Variants in OLFM2 observed in about 807,000 individuals in gnomAD.
OLFM2 encodes the protein noelin-2.
A neutral mutation model predicts 43.9 loss-of-function variants in OLFM2; 20 were observed. The observed-to-expected ratio is 0.46, with a 90% CI of 0.32 to 0.66. The LOEUF (loss-of-function observed/expected upper bound fraction) is 0.66. OLFM2 is among the 30% of genes least tolerant of loss of function. The pLI, the probability that OLFM2 is intolerant of heterozygous loss-of-function variation, is 0.04. For synonymous variants in OLFM2, 268 were observed against 278.6 expected, an observed-to-expected ratio of 0.96 and a Z score of 0.38; for missense variants, 416 against 643.6, an observed-to-expected ratio of 0.65 and a Z score of 3.83.
At chr19:9,863,708 T>C (rs1191826366) in intron 1 of OLFM2, among the ~76,000 whole-genome samples, 1 of 151,924 alleles carries the variant, frequency 6.6e-6, no homozygotes, top group African/African-American at 2.4e-5. Flanking sequence ...CTCCAACTAT[T>C]AGCCCACCTT....
Position 9,879,996 on chromosome 19 carries a change from C to T in OLFM2, c.64-19202G>A, listed in dbSNP as rs1344627416. Among the ~76,000 whole-genome samples, 3 of 152,106 alleles carry T rather than the reference C, an allele frequency of 2.0e-5. No homozygotes were observed. The East Asian group carries it at 5.8e-4, about 29-fold the overall frequency. On this transcript the variant is annotated intron_variant, in intron 1 of 5. Transcript: ENST00000264833. Reference sequence around the variant, plus strand: ...TTCATCATGTTGGCCAGGCTGGTCTCGAACTCCTGACCTCAGGTGATCTGC... The same window carrying T: ...TTCATCATGTTGGCCAGGCTGGTCTTGAACTCCTGACCTCAGGTGATCTGC...
intron 1 of OLFM2, among the ~76,000 whole-genome samples, chr19:9,909,093 G>A (rs1397718287): frequency 6.6e-6 from 1 of 152,064 alleles, no homozygotes; most frequent in East Asian, 1.9e-4. Context: ...TCCCACCCCT[G>A]CCTTCCAAAG....
intron 1 of OLFM2, among the ~76,000 whole-genome samples, chr19:9,925,946 G>A (rs536559671): frequency 1.3e-5 from 2 of 151,492 alleles, no homozygotes; most frequent in Non-Finnish European, 2.9e-5. Context: ...ACCAGCTTGA[G>A]CAAGATGACA....
intron 1 of OLFM2, among the ~76,000 whole-genome samples, chr19:9,886,676 C>T (rs67257773): frequency 0.12 from 18,566 of 152,094 alleles, 1,316 homozygotes; most frequent in African/African-American, 0.19. Context: ...TGTCATGCTC[C>T]AGGACCATCC....
At chr19:9,862,947 C>A (rs2046374999) in intron 1 of OLFM2, among the ~76,000 whole-genome samples, 1 of 148,910 alleles carries the variant, frequency 6.7e-6, no homozygotes, top group East Asian at 2.0e-4. Context: ...CGAGATCACA[C>A]CACTTTACTC....
chr19:9,913,270 G>A (rs868350860), intron 1 of OLFM2, among the ~76,000 whole-genome samples: 2 of 152,140 alleles, frequency 1.3e-5, no homozygotes, highest in East Asian at 1.9e-4. Flanking sequence ...TAAATGGCGC[G>A]GAGGTGGCTA....
At chr19:9,930,034 C>T (rs1047975746) in intron 1 of OLFM2, among the ~76,000 whole-genome samples, 2 of 151,420 alleles carry the variant, frequency 1.3e-5, no homozygotes, top group Non-Finnish European at 2.9e-5. Context: ...AGCGAAACTC[C>T]ATCTCAAAAA....
intron 1 of OLFM2, among the ~76,000 whole-genome samples, chr19:9,919,226 G>GT (rs2086404568): frequency 6.6e-6 from 1 of 151,282 alleles, no homozygotes; most frequent in South Asian, 2.1e-4. Flanking sequence ...GAGTGCAATG[G>GT]GATGATCTCG....
In OLFM2 at chr19:9,902,695, G is replaced by A. The variant is rs565690857; in HGVS notation, c.63+33609C>T. Among the ~76,000 whole-genome samples the A allele has an allele frequency of 3.2e-4, 49 of 151,854 alleles. 2 individuals carry two copies. In the South Asian group the frequency reaches 9.6e-3, roughly 30 times the overall value. ...CCCAGGAGTTCAAGACCAGGTGGGA[G>A]GATCACCCAGCCTTTTCTGGTTTCT... is the stretch of plus-strand genomic sequence containing the variant. On this transcript the variant is annotated intron_variant, in intron 1 of 5. Coordinates refer to ENST00000264833, the MANE Select transcript of OLFM2 (RefSeq NM_058164.4).
chr19:9,926,328 G>A (rs557779347), intron 1 of OLFM2, among the ~76,000 whole-genome samples: 5 of 149,348 alleles, frequency 3.3e-5, no homozygotes, highest in East Asian at 4.1e-4. Flanking sequence ...TGAGGCGGGC[G>A]GATCACGAGG....
intron 1 of OLFM2, chr19:9,913,490 TCA>T: frequency 9.0e-7 from 1 of 1,116,800 alleles, no homozygotes; most frequent in Non-Finnish European, 1.1e-6. Context: ...CACGATTTTC[TCA>T]GAGGCGCCCG....
chr19:9,860,021 A>T (rs1351600985), intron 2 of OLFM2, among the ~76,000 whole-genome samples: 1 of 152,162 alleles, frequency 6.6e-6, no homozygotes, highest in Non-Finnish European at 1.5e-5. Flanking sequence ...ACACGCCTGT[A>T]ATCCCAGCTA....
intron 1 of OLFM2, among the ~76,000 whole-genome samples, chr19:9,896,009 A>G (rs951701806): frequency 2.0e-5 from 3 of 152,066 alleles, no homozygotes; most frequent in Admixed American, 6.6e-5. Flanking sequence ...ATGTCGCCAC[A>G]AGAGCCTGTG....
chr19:9,876,680 C>T (rs981659631), intron 1 of OLFM2, among the ~76,000 whole-genome samples: 1 of 152,162 alleles, frequency 6.6e-6, no homozygotes, highest in Non-Finnish European at 1.5e-5. Flanking sequence ...CTCCTAGGTT[C>T]GAGCCTCAGG....
intron 1 of OLFM2, chr19:9,913,593 C>A: frequency 7.7e-7 from 1 of 1,303,942 alleles, no homozygotes; most frequent in Non-Finnish European, 9.9e-7. Flanking sequence ...AGCACGGCCC[C>A]GATCTTGAGC....
intron 1 of OLFM2, among the ~76,000 whole-genome samples, chr19:9,932,454 CAAA>C (rs74178225): frequency 0.39 from 37,129 of 95,618 alleles, 5,424 homozygotes; most frequent in African/African-American, 0.5. Context: ...GACTCAGTCT[CAAA>C]AAAAAAAAAA....
rs573382304 is a variant in OLFM2 at position 9,856,349 on chromosome 19, C to T, written c.687+458G>A. ...CCGACCTCAGGTGATCCGCCCACCT[C>T]AGCCTCCCAAAGTGCTGGGATTACA... On this transcript the variant is annotated intron_variant, in intron 5 of 5. Transcript: ENST00000264833. The surrounding 1 kb of genome is among the most constrained non-coding windows in gnomAD (Gnocchi z 4.0). Among the ~76,000 whole-genome samples the T allele has an allele frequency of 6.6e-6, 1 of 152,216 alleles. No homozygotes were observed. Among genetic ancestry groups the T allele is most frequent in the Non-Finnish European group, 1.5e-5 (1 of 68,038 alleles).
At chr19:9,882,990 G>A (rs2046553072) in intron 1 of OLFM2, among the ~76,000 whole-genome samples, 1 of 151,694 alleles carries the variant, frequency 6.6e-6, no homozygotes, top group African/African-American at 2.4e-5. Context: ...CATGAGGTTA[G>A]GAGGTCGAGA....
chr19:9,936,115 G>GC (rs1476189926), intron 1 of OLFM2, among the ~76,000 whole-genome samples, 189 bp downstream of exon 1: 10 of 150,846 alleles, frequency 6.6e-5, no homozygotes, highest in Non-Finnish European at 1.5e-4. Context: ...TGGATTTGAA[G>GC]CCCCCCTCGT....
Sources: allele counts gnomAD v4.1 joint callset (sites outside exome capture counted in the v4.1 genomes callset), GRCh38; gene constraint gnomAD v4.1.1; non-coding constraint Gnocchi (gnomAD v3.1); transcripts MANE v1.5; gene names NCBI Gene and HGNC (gene_info 2026-07-23, HGNC 2026-07-21).